PTPN22: variants seen among roughly 807,000 people sequenced by gnomAD.
The protein encoded by PTPN22 is tyrosine-protein phosphatase non-receptor type 22.
PTPN22 carries 85 observed loss-of-function variants against 103.3 expected under a neutral mutation model. The ratio of observed to expected loss-of-function variants is 0.82; its 90% CI spans 0.69 to 0.99. PTPN22 has a LOEUF of 0.99. Ranked by LOEUF, PTPN22 falls within the 50% of genes least tolerant of loss-of-function variation. The probability of loss-of-function intolerance (pLI) is 0.00; values close to 1 mark genes in which losing one functional copy is unlikely to be tolerated. For missense variants in PTPN22, 865 were observed against 936.9 expected, an observed-to-expected ratio of 0.92 and a Z score of 1.00; for synonymous variants, 323 against 310.2, an observed-to-expected ratio of 1.04 and a Z score of -0.43.
chr1:113,856,303 A>C (rs1188527131), intron 7 of PTPN22, 79 bp downstream of exon 7: 1 of 1,454,244 alleles, frequency 6.9e-7, no homozygotes, highest in African/African-American at 1.4e-5. Context: ...TCTTATGCCC[A>C]GCCTGAGCTA....
intron 11 of PTPN22, 26 bp from the exon 12 acceptor site, chr1:113,838,646 G>A (rs1558032936): frequency 1.9e-6 from 3 of 1,598,982 alleles, no homozygotes; most frequent in East Asian, 2.2e-5. Context: ...GTCAGAGGCT[G>A]GTTTTCAGTG....
At chr1:113,840,129 T>C (rs1226330129) in intron 11 of PTPN22, among the ~76,000 whole-genome samples, 1 of 151,276 alleles carries the variant, frequency 6.6e-6, no homozygotes, top group East Asian at 1.9e-4. Context: ...GAGACTTGCT[T>C]GAGCCCAGGA....
At chr1:113,850,903 C>G (rs1182644198) in intron 10 of PTPN22, among the ~76,000 whole-genome samples, 1 of 152,142 alleles carries the variant, frequency 6.6e-6, no homozygotes, top group African/African-American at 2.4e-5. Flanking sequence ...ACAAAAGTGC[C>G]TGTTAATAAA....
chr1:113,845,043 T>C (rs1663926912), intron 11 of PTPN22, among the ~76,000 whole-genome samples: 1 of 152,132 alleles, frequency 6.6e-6, no homozygotes, highest in African/African-American at 2.4e-5. Flanking sequence ...CATTTTGAAC[T>C]CCTGGCCTCA....
At chr1:113,834,423 A>G in exon 15 of PTPN22, 2 of 1,612,944 alleles carry the variant, frequency 1.2e-6, no homozygotes, top group Non-Finnish European at 1.7e-6. Context: ...ATTTGGGAAC[A>G]TTTGGTGAGA....
rs967492799 is a variant in PTPN22 at position 113,856,845 on chromosome 1, A to T, written c.409-226T>A. On this transcript the variant is annotated intron_variant, in intron 5 of 20. Coordinates refer to ENST00000359785, the Ensembl canonical transcript of PTPN22. ...TGGGAGTCTGAAAAAGTAGAAATAG[A>T]AATCTTTGACCTATTTTTAGTATTT... The T allele has an allele frequency of 2.5e-4, 136 of 533,816 alleles. 2 individuals are homozygous for T. In the East Asian group the frequency reaches 4.3e-3, roughly 17 times the overall value. 33.1% of individuals were successfully genotyped at this position (533,816 alleles called of 1,614,324 possible).
intron 1 of PTPN22, among the ~76,000 whole-genome samples, chr1:113,865,421 TA>T (rs35402689): frequency 0.76 from 116,251 of 152,072 alleles, 45,303 homozygotes; most frequent in African/African-American, 0.89. Context: ...ATTTCATGGG[TA>T]AAAATGAACA....
intron 19 of PTPN22, chr1:113,823,463 A>T (rs1468879370): frequency 1.3e-5 from 2 of 152,256 alleles, no homozygotes; most frequent in South Asian, 2.1e-4. Context: ...TGGGAGCCAG[A>T]TGTTCTTCAT....
chr1:113,834,665 CCT>C (rs1457227314), intron 14 of PTPN22, among the ~76,000 whole-genome samples: 1 of 152,032 alleles, frequency 6.6e-6, no homozygotes, highest in Admixed American at 6.6e-5. Flanking sequence ...CTCAAGTGAT[CCT>C]CTCACCTCCA....
intron 9 of PTPN22, among the ~76,000 whole-genome samples, chr1:113,852,999 C>T (rs1191092082): frequency 5.3e-5 from 8 of 152,188 alleles, no homozygotes; most frequent in East Asian, 1.9e-4. Context: ...AGTGCAACAG[C>T]GCGATCTCGG....
At chr1:113,833,166 AAAG>A in intron 15 of PTPN22, 28 bp from the exon 16 acceptor site, 1 of 1,512,700 alleles carries the variant, frequency 6.6e-7, no homozygotes, top group East Asian at 2.3e-5. Context: ...AGGAAAAGTG[AAAG>A]AAGAATATGT....
intron 10 of PTPN22, among the ~76,000 whole-genome samples, chr1:113,851,800 T>A (rs1664594779): frequency 6.6e-6 from 1 of 152,226 alleles, no homozygotes; most frequent in African/African-American, 2.4e-5. Flanking sequence ...TCTTAATATT[T>A]TCTGAACAGA....
intron 11 of PTPN22, among the ~76,000 whole-genome samples, chr1:113,840,613 C>T (rs1449682807): frequency 1.3e-5 from 2 of 152,102 alleles, no homozygotes; most frequent in African/African-American, 4.8e-5. Context: ...GGCATTTTTA[C>T]ATAATTTGTT....
chr1:113,835,589 C>T (rs971331292), intron 13 of PTPN22, among the ~76,000 whole-genome samples: 18 of 152,044 alleles, frequency 1.2e-4, no homozygotes, highest in Admixed American at 6.6e-5. Flanking sequence ...TATCAGTTAA[C>T]ATAAAATATT....
chr1:113,841,655 T>A (rs773391889), intron 11 of PTPN22, among the ~76,000 whole-genome samples: 9 of 149,286 alleles, frequency 6.0e-5, no homozygotes, highest in Non-Finnish European at 1.0e-4. Flanking sequence ...CAGGCTAGAG[T>A]GCAGTGGTGC....
At position 113,858,387 on chromosome 1, in the gene PTPN22, C is replaced by A; in HGVS notation, c.369+91G>T. On this transcript the variant is annotated intron_variant, in intron 4 of 20. Transcript: ENST00000359785. ...GCATTGTGATTCTGACTAAAAGATG[C>A]CTGAACCCTGAAGTTCCACTGACCA... 4.8e-6 allele frequency: 4 copies of A among 828,500 alleles called. No individual in the cohort carries two copies. In the South Asian group the frequency reaches 5.5e-5, roughly 11 times the overall value. The allele number at this position is 828,500 out of a possible 1,614,324, so 51.3% of individuals were successfully genotyped here. A position where few individuals can be genotyped will look rare whatever the true frequency, so the allele number is the denominator to read the frequency against.
At chr1:113,832,783 G>C (rs1662657470) in intron 16 of PTPN22, among the ~76,000 whole-genome samples, 1 of 152,210 alleles carries the variant, frequency 6.6e-6, no homozygotes, top group Non-Finnish European at 1.5e-5. Context: ...AAAGAATTAA[G>C]TGGCCAGAAA....
chr1:113,853,352 C>CTTTTT (rs1314425403), intron 9 of PTPN22, among the ~76,000 whole-genome samples: 4 of 130,302 alleles, frequency 3.1e-5, no homozygotes, highest in Non-Finnish European at 4.9e-5. Flanking sequence ...CTTTTTCTTT[C>CTTTTT]TTTTTTTTTT....
chr1:113,869,291 G>A (rs1666379968), intron 1 of PTPN22, among the ~76,000 whole-genome samples: 1 of 152,158 alleles, frequency 6.6e-6, no homozygotes, highest in Non-Finnish European at 1.5e-5. Context: ...TGAAGGTGGG[G>A]CAAGGCTAGA....
Sources: gnomAD v4.1 joint callset for allele counts (sites outside exome capture counted in the v4.1 genomes callset) on GRCh38, gnomAD v4.1.1 for gene constraint, MANE v1.5 for transcripts, NCBI Gene and HGNC (gene_info 2026-07-23, HGNC 2026-07-21) for gene names.